The following EMG1 variants were observed in gnomAD, a reference collection of about 807,000 sequenced individuals.
EMG1 encodes the protein ribosomal RNA small subunit methyltransferase NEP1.
EMG1 carries 24 observed loss-of-function variants against 26.9 expected under a neutral mutation model. The observed-to-expected ratio is 0.89, with a 90% confidence interval of 0.65 to 1.26. The LOEUF is 1.26. Ranked by LOEUF, EMG1 falls within the 50% of genes most tolerant of loss-of-function variation. The pLI is 0.00. For synonymous variants in EMG1, 140 were observed against 112.6 expected (o/e 1.24, Z -1.54); for missense variants, 299 against 307.6 (o/e 0.97, Z 0.21).
At chr12:6,982,624 C>A, downstream of EMG1, 1 of 1,373,956 alleles carries the variant, frequency 7.3e-7, no homozygotes, top group Non-Finnish European at 1.0e-6. Flanking sequence ...CTACCCCTGT[C>A]CCCTGAACCG....
chr12:6,994,432 T>C (rs1555155842), intron 7 of EMG1, among the ~76,000 whole-genome samples: 1 of 152,172 alleles, frequency 6.6e-6, no homozygotes, highest in African/African-American at 2.4e-5. Context: ...AGTCTCGAAC[T>C]CCTGACCTCA....
In EMG1 at chr12:6,978,957, G is replaced by A. The variant is rs1555153695; in HGVS notation, c.*3148G>A. The A allele has an allele frequency of 2.2e-6, 1 of 445,370 alleles. No homozygotes were observed. The highest frequency in any genetic ancestry group is 4.0e-6 in the Non-Finnish European group (1 of 249,946). The allele number at this position is 445,370 out of a possible 1,614,324, so 27.6% of individuals were successfully genotyped here. A position where few individuals can be genotyped will look rare whatever the true frequency, so the allele number is the denominator to read the frequency against. ...TCTACTGTTTGCCTTCGTTGGCAAA[G>A]TGTTTGGAATGAGCATTTGGAATGT... On this transcript the variant is annotated 3_prime_UTR_variant, in exon 6 of 6. Transcript: ENST00000599672.
chr12:6,997,347 G>C (rs1946645363), exon 8 of EMG1: 1 of 152,092 alleles, frequency 6.6e-6, no homozygotes, highest in Non-Finnish European at 1.4e-5. Flanking sequence ...CTATAGGTAT[G>C]TGCCGCCATG....
At chr12:6,975,567 C>A in intron 5 of EMG1, 129 bp from the exon 6 acceptor site, 1 of 963,120 alleles carries the variant, frequency 1.0e-6, no homozygotes, top group Non-Finnish European at 1.7e-6. Flanking sequence ...CCTTCTTCAT[C>A]CTTTGTAGGG....
downstream of EMG1, chr12:6,981,409 A>T: frequency 1.4e-6 from 1 of 719,490 alleles, no homozygotes. Context: ...GACTTTGTGC[A>T]AGAGCTGGAT....
At chr12:6,982,622 G>T, downstream of EMG1, 1 of 1,353,448 alleles carries the variant, frequency 7.4e-7, no homozygotes, top group Non-Finnish European at 1.1e-6. Flanking sequence ...GCCTACCCCT[G>T]TCCCCTGAAC....
Position 6,978,209 on chromosome 12 carries a change from C to T in EMG1, c.*2400C>T. 9.2e-7 allele frequency: 1 copy of T among 1,081,788 alleles called. No homozygotes were observed. The highest frequency in any genetic ancestry group is 1.3e-6 in the Non-Finnish European group (1 of 749,996). 67.0% of individuals were successfully genotyped at this position (1,081,788 alleles called of 1,614,324 possible). A position where few individuals can be genotyped will look rare whatever the true frequency, so the allele number is the denominator to read the frequency against. ...GGGGGGTATAGGTGGGGGTCAAAGTCAGTGTGAGCGACAGGGGGTTCTGCC... is the reference window on the plus strand; with the variant it reads ...GGGGGGTATAGGTGGGGGTCAAAGTTAGTGTGAGCGACAGGGGGTTCTGCC... On this transcript the variant is annotated 3_prime_UTR_variant, in exon 6 of 6. Coordinates refer to ENST00000599672, the MANE Select transcript of EMG1 (RefSeq NM_006331.8).
At chr12:6,983,666 T>G, downstream of EMG1, 1 of 645,980 alleles carries the variant, frequency 1.5e-6, no homozygotes, top group South Asian at 1.8e-5. Flanking sequence ...ATACATTATA[T>G]GGATGGCAAC....
chr12:6,980,875 C>A (rs1384904394), downstream of EMG1: 2 of 859,964 alleles, frequency 2.3e-6, no homozygotes, highest in Non-Finnish European at 1.7e-6. Context: ...GTGCCTGTTA[C>A]AACAGTCCAG....
downstream of EMG1, chr12:6,981,631 A>G (rs782102543): frequency 1.2e-6 from 2 of 1,613,212 alleles, no homozygotes; most frequent in Non-Finnish European, 1.7e-6. Flanking sequence ...CAACAGCCAA[A>G]CCTGAGCAGA....
Position 6,977,623 on chromosome 12 carries a change from A to G in EMG1, c.*1814A>G. On this transcript the variant is annotated 3_prime_UTR_variant, in exon 6 of 6. Transcript: ENST00000599672. The surrounding 1 kb of genome is among the most constrained non-coding windows in gnomAD (Gnocchi z 4.5). ...CTGTCTTTCCACAATAACAATGAGG[A>G]ATTCCATCTGGAAGCAGACCAGGTA... The G allele has an allele frequency of 6.2e-7, 1 of 1,614,210 alleles. No homozygotes were observed. Among genetic ancestry groups the G allele is most frequent in the Non-Finnish European group, 8.5e-7 (1 of 1,180,048 alleles).
Position 6,978,283 on chromosome 12 carries a change from A to G in EMG1, c.*2474A>G. On this transcript the variant is annotated 3_prime_UTR_variant, in exon 6 of 6. Coordinates refer to ENST00000599672, the MANE Select transcript of EMG1 (RefSeq NM_006331.8). ...TGACATGGTACACCCCTGCCCTCCA[A>G]TCTGGGAAGACAGTGGAAGGAAGGA... The G allele has an allele frequency of 3.2e-6, 5 of 1,553,058 alleles. No homozygotes were observed. The South Asian group carries it at 4.9e-5, about 15-fold the overall frequency.
downstream of EMG1, among the ~76,000 whole-genome samples, chr12:6,990,305 C>T (rs913274310): frequency 1.1e-3 from 160 of 150,762 alleles, no homozygotes; most frequent in Admixed American, 2.2e-3. Flanking sequence ...GTCAGGAGAT[C>T]GAGACCATCC....
chr12:6,992,072 A>T (rs1013023759), downstream of EMG1, among the ~76,000 whole-genome samples: 1 of 149,198 alleles, frequency 6.7e-6, no homozygotes, highest in Non-Finnish European at 1.5e-5. Context: ...CATACCAGTT[A>T]AAAAAAAAAG....
chr12:6,983,512 T>C (rs995747835), downstream of EMG1: 18 of 1,611,972 alleles, frequency 1.1e-5, no homozygotes, highest in East Asian at 2.2e-5. Context: ...GAAAAGGTAA[T>C]GCCGATAAAA....
chr12:6,976,286 G>T lies in EMG1; in HGVS notation c.*477G>T, dbSNP rs1555153171. 6.5e-6 allele frequency: 1 copy of T among 154,274 alleles called. No individual in the cohort carries two copies. The highest frequency in any genetic ancestry group is 2.4e-5 in the African/African-American group (1 of 41,464). 9.6% of individuals were successfully genotyped at this position (154,274 alleles called of 1,614,324 possible). A position where few individuals can be genotyped will look rare whatever the true frequency, so the allele number is the denominator to read the frequency against. ...CACCCCTCTCCACCCCCCCATGGGG[G>T]GGGTGGTGGTAGCGGCACATACACA... On this transcript the variant is annotated 3_prime_UTR_variant, in exon 6 of 6. Transcript: ENST00000599672.
rs1555153111 is a variant in EMG1, at chr12:6,975,852, C to CA, written c.*44dup. 8.8e-7 allele frequency: 1 copy of CA among 1,142,478 alleles called. No homozygotes were observed. The highest frequency in any genetic ancestry group is 1.3e-6 in the Non-Finnish European group (1 of 752,600). The allele number at this position is 1,142,478 out of a possible 1,614,324, so 70.8% of individuals were successfully genotyped here. ...CTGAAACCAGAAACTGTTGATGTCA[C>CA]ATCCTTTGACCCTGGTCTGAGCTGA... On this transcript the variant is annotated 3_prime_UTR_variant, in exon 6 of 6. Coordinates refer to ENST00000599672, the MANE Select transcript of EMG1 (RefSeq NM_006331.8).
chr12:6,991,758 T>C (rs1946591988), downstream of EMG1, among the ~76,000 whole-genome samples: 1 of 152,178 alleles, frequency 6.6e-6, no homozygotes, highest in African/African-American at 2.4e-5. Context: ...GTAAAAATGG[T>C]GGTCGGTGAA....
At chr12:6,980,555 T>A (rs1043256588), downstream of EMG1, among the ~76,000 whole-genome samples, 88 of 151,984 alleles carry the variant, frequency 5.8e-4, no homozygotes, top group African/African-American at 1.9e-3. Context: ...AGAGTCTCTC[T>A]ATGTTGCCAG....
Sources: allele counts gnomAD v4.1 joint callset (sites outside exome capture counted in the v4.1 genomes callset), GRCh38; gene constraint gnomAD v4.1.1; non-coding constraint Gnocchi (gnomAD v3.1); transcripts MANE v1.5; gene names NCBI Gene and HGNC (gene_info 2026-07-23, HGNC 2026-07-21).